Variants in METTL22 observed in about 807,000 individuals in gnomAD.
The protein encoded by METTL22 is methyltransferase 22, Kin17 lysine.
Under a neutral mutation model 48.4 loss-of-function variants are expected in METTL22, and 51 were observed. The ratio of observed to expected loss-of-function variants is 1.05; its 90% CI spans 0.84 to 1.33. METTL22 has a LOEUF of 1.33. Among genes scored for constraint, METTL22 ranks in the 40% most tolerant of loss-of-function variants. The pLI is 0.00. For synonymous variants in METTL22, 255 were observed against 214.1 expected, an observed-to-expected ratio of 1.19 and a Z score of -1.67; for missense variants, 678 against 526.9, an observed-to-expected ratio of 1.29 and a Z score of -2.81.
intron 1 of METTL22, among the ~76,000 whole-genome samples, chr16:8,624,946 C>G (rs996730644): frequency 9.2e-5 from 14 of 151,716 alleles, no homozygotes; most frequent in African/African-American, 3.2e-4. Flanking sequence ...ATAACAGCTT[C>G]TAGAATAAAA....
chr16:8,637,510 G>A (rs1329484958), intron 5 of METTL22, among the ~76,000 whole-genome samples: 1 of 152,246 alleles, frequency 6.6e-6, no homozygotes, highest in Non-Finnish European at 1.5e-5. Flanking sequence ...TCAGTGCCTG[G>A]CTGTAACTTC....
intron 10 of METTL22, among the ~76,000 whole-genome samples, chr16:8,645,717 A>C (rs1303479914): frequency 1.3e-5 from 2 of 152,224 alleles, no homozygotes; most frequent in Non-Finnish European, 2.9e-5. Context: ...TCAAGGCTGC[A>C]GCAAGCTGTG....
intron 7 of METTL22, chr16:8,641,914 A>G (rs1018646951): frequency 1.6e-4 from 95 of 609,132 alleles, no homozygotes; most frequent in Non-Finnish European, 2.6e-4. Flanking sequence ...TAGAGCAGAC[A>G]CTCAGCAGAA....
intron 10 of METTL22, chr16:8,645,104 T>A (rs1233791367): frequency 5.9e-6 from 1 of 169,008 alleles, no homozygotes; most frequent in Non-Finnish European, 1.3e-5. Flanking sequence ...TGGTGGCCGC[T>A]GCTCACATCT....
intron 9 of METTL22, 180 bp downstream of exon 9, chr16:8,642,745 A>G: frequency 1.5e-6 from 1 of 656,858 alleles, no homozygotes; most frequent in South Asian, 1.7e-5. Flanking sequence ...TCTGCATCCT[A>G]GCCCTGTGTG....
rs118005463 is a variant in METTL22 at position 8,646,225 on chromosome 16, T to C, written c.*82T>C. ...AAATCAGAAGCTCACCAAAGCAACATGCTTGAGATTTTGTCATTTTAAAAA... is the reference window on the plus strand; with the variant it reads ...AAATCAGAAGCTCACCAAAGCAACACGCTTGAGATTTTGTCATTTTAAAAA... On this transcript the variant is annotated 3_prime_UTR_variant, in exon 11 of 11. Transcript: ENST00000381920. 4.3e-3 allele frequency: 6,561 copies of C among 1,543,372 alleles called. 25 individuals carry two copies. The highest frequency in any genetic ancestry group is 5.8e-3 in the Admixed American group (343 of 58,658).
chr16:8,638,215 AG>A (rs1338924514), intron 5 of METTL22, among the ~76,000 whole-genome samples: 1 of 152,112 alleles, frequency 6.6e-6, no homozygotes, highest in African/African-American at 2.4e-5. Flanking sequence ...CCTAGGAGAT[AG>A]GGTAGATCCC....
intron 5 of METTL22, among the ~76,000 whole-genome samples, chr16:8,636,534 AAAAAAC>A (rs1567236402): frequency 3.2e-5 from 4 of 123,494 alleles, no homozygotes; most frequent in Admixed American, 2.0e-4. Context: ...AAAAAAAAAA[AAAAAAC>A]AAACTTTATA....
chr16:8,663,186 A>G, the METTL22 span, among the ~76,000 whole-genome samples: 1 of 142,972 alleles, frequency 7.0e-6, no homozygotes, highest in East Asian at 2.1e-4. Flanking sequence ...AGCCTGGGTG[A>G]CAAGAGCAAA....
intron 5 of METTL22, 125 bp downstream of exon 5, chr16:8,635,437 G>T: frequency 8.3e-7 from 1 of 1,210,794 alleles, no homozygotes; most frequent in Non-Finnish European, 1.1e-6. Context: ...TTGCCATCCT[G>T]GTCCCCTGGC....
chr16:8,639,885 C>G (rs1011316414), intron 6 of METTL22, among the ~76,000 whole-genome samples: 23 of 148,124 alleles, frequency 1.6e-4, no homozygotes, highest in Non-Finnish European at 3.1e-4. Context: ...GTCTGCAGCG[C>G]CCCCCACCAC....
chr16:8,666,610 A>AG, the METTL22 span, among the ~76,000 whole-genome samples: 5 of 152,174 alleles, frequency 3.3e-5, no homozygotes, highest in African/African-American at 1.2e-4. Context: ...TATGATCATC[A>AG]TCCCATTTTA....
the METTL22 span, among the ~76,000 whole-genome samples, chr16:8,658,139 G>T: frequency 6.6e-6 from 1 of 152,250 alleles, no homozygotes; most frequent in South Asian, 2.1e-4. Context: ...ATAAGAGAAA[G>T]GAGAGGGAGA....
the METTL22 span, among the ~76,000 whole-genome samples, chr16:8,657,833 T>TTTTTTTTTTTTTTTTTTTG: frequency 1.3e-5 from 2 of 150,914 alleles, no homozygotes. Flanking sequence ...TCTTTTTTTT[T>TTTTTTTTTTTTTTTTTTTG]TGAGACAAGG....
In METTL22 at chr16:8,625,794, G is replaced by C. The variant is rs2056028471; in HGVS notation, c.129G>C (p.Gln43His). Residue 43 changes from glutamine (Q) to histidine (H), a missense_variant, in exon 2 of 11, where the codon CAG becomes CAC. Coordinates refer to ENST00000381920, the MANE Select transcript of METTL22 (RefSeq NM_024109.4). The part of the protein sequence containing the change: ...HLMVRLNSVG[Q>H]PVFLSQFKLL... ...TGGTACGGCTGAACAGCGTGGGGCA[G>C]CCAGGTAAGGTCCTGGGCCCAGGTG... is the stretch of plus-strand genomic sequence containing the variant. 1 of 1,614,076 alleles carries C rather than the reference G, an allele frequency of 6.2e-7. No individual in the cohort carries two copies. Among genetic ancestry groups the C allele is most frequent in the South Asian group, 1.1e-5 (1 of 91,068 alleles).
At chr16:8,645,246 G>A (rs1361664937) in intron 10 of METTL22, among the ~76,000 whole-genome samples, 1 of 152,164 alleles carries the variant, frequency 6.6e-6, no homozygotes, top group Non-Finnish European at 1.5e-5. Context: ...TATGTCTGTG[G>A]AGACCCGGGC....
At chr16:8,656,706 T>C in the METTL22 span, among the ~76,000 whole-genome samples, 110 of 152,366 alleles carry the variant, frequency 7.2e-4, 1 homozygote, top group East Asian at 0.019. Context: ...AATGCCCTCC[T>C]GACAACCCAG....
intron 3 of METTL22, among the ~76,000 whole-genome samples, chr16:8,629,912 G>C (rs1005032712): frequency 6.6e-6 from 1 of 152,096 alleles, no homozygotes; most frequent in African/African-American, 2.4e-5. Flanking sequence ...CCCTCCTGAG[G>C]GGGTGCATGG....
chr16:8,657,321 A>T, the METTL22 span, among the ~76,000 whole-genome samples: 2 of 152,236 alleles, frequency 1.3e-5, no homozygotes, highest in African/African-American at 4.8e-5. Context: ...GAAGGATATT[A>T]TTCTCGGTTG....
Sources: gnomAD v4.1 joint callset for allele counts (sites outside exome capture counted in the v4.1 genomes callset) on GRCh38, gnomAD v4.1.1 for gene constraint, MANE v1.5 for transcripts, NCBI Gene and HGNC (gene_info 2026-07-23, HGNC 2026-07-21) for gene names.